FBXL7: variants seen among roughly 807,000 people sequenced by gnomAD.
FBXL7 encodes the protein F-box/LRR-repeat protein 7.
Under a neutral mutation model 38.3 loss-of-function variants are expected in FBXL7, and 12 were observed. That is an observed-to-expected ratio of 0.31 (90% CI 0.20 to 0.51). The LOEUF (loss-of-function observed/expected upper bound fraction) is 0.51, where lower values mean the gene tolerates loss of function less well. Ranked by LOEUF, FBXL7 falls within the 20% of genes least tolerant of loss-of-function variation. FBXL7 has a pLI of 0.98. For missense variants in FBXL7, 567 were observed against 676.4 expected (o/e 0.84, Z 1.79); for synonymous variants, 297 against 300.9 (o/e 0.99, Z 0.13).
At chr5:15,530,272 A>G (rs570627042) in intron 1 of FBXL7, among the ~76,000 whole-genome samples, 5 of 152,308 alleles carry the variant, frequency 3.3e-5, no homozygotes, top group African/African-American at 1.2e-4. Context: ...AGGTGGTTTA[A>G]AAAACTGTCA....
At chr5:15,659,585 C>T (rs1741992629) in intron 2 of FBXL7, among the ~76,000 whole-genome samples, 3 of 152,054 alleles carry the variant, frequency 2.0e-5, no homozygotes, top group Admixed American at 1.3e-4. Flanking sequence ...CAAATGCATC[C>T]ACACATAAAT....
At chr5:15,935,793 T>C (rs1162962276) in intron 3 of FBXL7, among the ~76,000 whole-genome samples, 3 of 152,210 alleles carry the variant, frequency 2.0e-5, no homozygotes, top group Non-Finnish European at 4.4e-5. Context: ...CATGCATATC[T>C]GTTCTCTCAT....
At chr5:15,724,738 A>C (rs1376550871) in intron 2 of FBXL7, among the ~76,000 whole-genome samples, 1 of 152,200 alleles carries the variant, frequency 6.6e-6, no homozygotes. Context: ...ATGTTTTTAG[A>C]TGCTATTTAC....
chr5:15,653,074 G>A (rs1020756141), intron 2 of FBXL7, among the ~76,000 whole-genome samples: 3 of 151,978 alleles, frequency 2.0e-5, no homozygotes, highest in Non-Finnish European at 2.9e-5. Flanking sequence ...GATGAAGTTC[G>A]CCATCTTATG....
chr5:15,631,322 G>A (rs143162847), intron 2 of FBXL7, among the ~76,000 whole-genome samples: 69 of 152,268 alleles, frequency 4.5e-4, no homozygotes, highest in African/African-American at 1.0e-3. Flanking sequence ...ATGTGAGGAC[G>A]TCCAGGATAG....
chr5:15,691,087 A>G (rs890039201), intron 2 of FBXL7, among the ~76,000 whole-genome samples: 5 of 152,092 alleles, frequency 3.3e-5, no homozygotes, highest in African/African-American at 1.2e-4. Flanking sequence ...GAGCTTTCCT[A>G]TCTGTTGGTG....
intron 1 of FBXL7, among the ~76,000 whole-genome samples, chr5:15,615,074 G>A (rs1247103407): frequency 6.6e-6 from 1 of 152,174 alleles, no homozygotes; most frequent in Non-Finnish European, 1.5e-5. Context: ...GGCGTCTTAG[G>A]AATCTGCGCA....
At chr5:15,774,339 C>A (rs568858975) in intron 2 of FBXL7, among the ~76,000 whole-genome samples, 1 of 152,132 alleles carries the variant, frequency 6.6e-6, no homozygotes, top group Admixed American at 6.5e-5. Flanking sequence ...TTGATCTACA[C>A]GTTCCATTTT....
At chr5:15,767,773 ATATT>A (rs1336714391) in intron 2 of FBXL7, among the ~76,000 whole-genome samples, 1 of 152,226 alleles carries the variant, frequency 6.6e-6, no homozygotes, top group Non-Finnish European at 1.5e-5. Flanking sequence ...GGGAAGATAA[ATATT>A]TGATGACAAA....
chr5:15,670,260 TTA>T (rs1311585422), intron 2 of FBXL7, among the ~76,000 whole-genome samples: 2 of 152,242 alleles, frequency 1.3e-5, no homozygotes, highest in African/African-American at 4.8e-5. Context: ...ATTAAGTTTC[TTA>T]TAAAAATAAC....
At chr5:15,629,096 G>T (rs1010844516) in intron 2 of FBXL7, among the ~76,000 whole-genome samples, 1 of 151,602 alleles carries the variant, frequency 6.6e-6, no homozygotes, top group African/African-American at 2.4e-5. Flanking sequence ...TGGGCAACAG[G>T]GTGAGACCTC....
At chr5:15,851,772 G>A (rs375192045) in intron 2 of FBXL7, among the ~76,000 whole-genome samples, 15 of 148,284 alleles carry the variant, frequency 1.0e-4, no homozygotes, top group East Asian at 1.0e-3. Context: ...CTATTCTCAC[G>A]CAAATAAATA....
At position 15,794,643 on chromosome 5, in the gene FBXL7, G is replaced by C. The variant is rs887253058; in HGVS notation, c.128-133247G>C. 2.6e-5 allele frequency among the ~76,000 whole-genome samples: 4 copies of C among 152,272 alleles called. No individual in the cohort carries two copies. In the East Asian group the frequency reaches 7.7e-4, roughly 29 times the overall value. The stretch of plus-strand genomic sequence containing the variant: ...TGAAGGTTTTTTGCTCACAGATTCT[G>C]GGGCTTTCTCTTATCTTTGAGCGTG... On this transcript the variant is annotated intron_variant, in intron 2 of 3. Coordinates refer to ENST00000504595, the MANE Select transcript of FBXL7 (RefSeq NM_012304.5).
At chr5:15,787,078 A>T (rs988943084) in intron 2 of FBXL7, among the ~76,000 whole-genome samples, 3 of 152,220 alleles carry the variant, frequency 2.0e-5, no homozygotes, top group Non-Finnish European at 2.9e-5. Flanking sequence ...CAGCTGGAAG[A>T]GGCCAGGATG....
rs1181560100 is a variant in FBXL7 at position 15,594,383 on chromosome 5, G to A, written c.38-21600G>A. ...TCTGTTCTGATCTTGGGCGGTCCAC[G>A]CTAGAAAACTACTCTTTGAAATGGT... On this transcript the variant is annotated intron_variant, in intron 1 of 3. Coordinates refer to ENST00000504595, the MANE Select transcript of FBXL7 (RefSeq NM_012304.5). Among the ~76,000 whole-genome samples the A allele has an allele frequency of 3.3e-5, 5 of 152,224 alleles. No homozygotes were observed. In the East Asian group the frequency reaches 5.8e-4, roughly 18 times the overall value.
intron 2 of FBXL7, among the ~76,000 whole-genome samples, chr5:15,632,627 A>C (rs942525169): frequency 7.9e-5 from 12 of 152,336 alleles, no homozygotes; most frequent in African/African-American, 2.4e-4. Context: ...CTAGTTGCCC[A>C]TCAATGGTGG....
chr5:15,662,574 T>G (rs1463697826), intron 2 of FBXL7, among the ~76,000 whole-genome samples: 2 of 152,158 alleles, frequency 1.3e-5, no homozygotes, highest in African/African-American at 2.4e-5. Context: ...AATTTTTGCT[T>G]GTTCCTATGT....
intron 2 of FBXL7, among the ~76,000 whole-genome samples, chr5:15,707,513 AG>A (rs1743728568): frequency 6.6e-6 from 1 of 152,142 alleles, no homozygotes; most frequent in Admixed American, 6.5e-5. Context: ...TTCTGTACCA[AG>A]GCATCTGAGA....
At chr5:15,894,202 G>A (rs931263830) in intron 2 of FBXL7, among the ~76,000 whole-genome samples, 14 of 152,284 alleles carry the variant, frequency 9.2e-5, no homozygotes, top group Admixed American at 4.6e-4. Flanking sequence ...CAGAGATTGC[G>A]GTGAGCCGAG....
Sources: gnomAD v4.1 joint callset for allele counts (sites outside exome capture counted in the v4.1 genomes callset) on GRCh38, gnomAD v4.1.1 for gene constraint, MANE v1.5 for transcripts, NCBI Gene and HGNC (gene_info 2026-07-23, HGNC 2026-07-21) for gene names.